Variants in SPAG16 observed in about 807,000 individuals in gnomAD.
SPAG16 encodes sperm associated antigen 16.
SPAG16 carries 86 observed loss-of-function variants against 80.4 expected under a neutral mutation model. That is an observed-to-expected ratio of 1.07 (90% CI 0.90 to 1.28). The LOEUF (loss-of-function observed/expected upper bound fraction) is 1.28. Among genes scored for constraint, SPAG16 ranks in the 50% most tolerant of loss-of-function variants. The pLI is 0.00. For missense variants in SPAG16, 870 were observed against 765.3 expected (o/e 1.14, Z -1.61); for synonymous variants, 294 against 265.9 (o/e 1.11, Z -1.03).
intron 10 of SPAG16, among the ~76,000 whole-genome samples, chr2:213,803,496 C>T (rs1184157692): frequency 6.6e-6 from 1 of 151,942 alleles, no homozygotes; most frequent in Non-Finnish European, 1.5e-5. Flanking sequence ...TTCTGAGAGA[C>T]TATAAGTAAG....
intron 10 of SPAG16, among the ~76,000 whole-genome samples, chr2:213,612,359 CT>C (rs2061465298): frequency 6.6e-6 from 1 of 152,036 alleles, no homozygotes; most frequent in Non-Finnish European, 1.5e-5. Context: ...TATAATTTTT[CT>C]TTTTTCTCTC....
intron 10 of SPAG16, among the ~76,000 whole-genome samples, chr2:213,801,448 C>G (rs763018512): frequency 1.3e-5 from 2 of 152,320 alleles, no homozygotes; most frequent in Non-Finnish European, 1.5e-5. Context: ...ATTGTCCAGG[C>G]ATATGCCACA....
At position 213,869,280 on chromosome 2, in the gene SPAG16, T is replaced by TATATATATATATATATAC. The variant is rs869276304; in HGVS notation, c.1214+6652_1214+6653insATATATATATATATATAC. On this transcript the variant is annotated intron_variant, in intron 11 of 15. Coordinates refer to ENST00000331683, the MANE Select transcript of SPAG16 (RefSeq NM_024532.5). ...AAAAAAAAAAATATATATATATATA[T>TATATATATATATATATAC]GTATATATATATGTATATATATATA... is the stretch of plus-strand genomic sequence containing the variant. 1.2e-4 allele frequency among the ~76,000 whole-genome samples: 13 copies of TATATATATATATATATAC among 112,442 alleles called. No individual in the cohort carries two copies. The East Asian group carries it at 1.9e-3, about 16-fold the overall frequency. The allele number at this position is 112,442 out of a possible 152,430, so 73.8% of individuals were successfully genotyped here.
intron 9 of SPAG16, among the ~76,000 whole-genome samples, chr2:213,413,091 GTACTATAAATGA>G (rs2069069762): frequency 6.6e-6 from 1 of 151,974 alleles, no homozygotes; most frequent in African/African-American, 2.4e-5. Context: ...TTTATAGTTG[GTACTATAAATGA>G]TACTATAAAT....
At chr2:214,157,100 G>C (rs2056248832) in intron 15 of SPAG16, among the ~76,000 whole-genome samples, 1 of 152,092 alleles carries the variant, frequency 6.6e-6, no homozygotes, top group African/African-American at 2.4e-5. Context: ...TCTGGAGAAA[G>C]GAACTGGAGA....
intron 13 of SPAG16, among the ~76,000 whole-genome samples, chr2:214,058,767 A>G (rs1436444039): frequency 2.6e-5 from 4 of 152,154 alleles, no homozygotes; most frequent in Non-Finnish European, 1.5e-5. Flanking sequence ...AACAAACAAT[A>G]TATTTATTAA....
At chr2:214,280,772 T>G (rs945764148) in intron 15 of SPAG16, 2 of 448,990 alleles carry the variant, frequency 4.5e-6, no homozygotes, top group Non-Finnish European at 8.6e-6. Context: ...TCTCATAGAC[T>G]AGATTCTCTC....
chr2:213,438,444 A>G lies in SPAG16; in HGVS notation c.943-51519A>G, dbSNP rs1249831975. Among the ~76,000 whole-genome samples, 3 of 152,250 alleles carry G rather than the reference A, an allele frequency of 2.0e-5. No homozygotes were observed. The East Asian group carries it at 5.8e-4, about 29-fold the overall frequency. ...GCCCACTGCTTATTTTTATATAACA[A>G]GTTTTATTTGAACATAGATATAGCC... On this transcript the variant is annotated intron_variant, in intron 9 of 15. Transcript: ENST00000331683.
intron 7 of SPAG16, among the ~76,000 whole-genome samples, chr2:213,356,660 T>C (rs1350066521): frequency 2.6e-5 from 4 of 152,170 alleles, no homozygotes; most frequent in Non-Finnish European, 5.9e-5. Context: ...TTAGTCTTGT[T>C]AGTGGTCTGT....
chr2:213,642,366 T>C (rs1471544621), intron 10 of SPAG16, among the ~76,000 whole-genome samples: 1 of 152,154 alleles, frequency 6.6e-6, no homozygotes, highest in Non-Finnish European at 1.5e-5. Flanking sequence ...CGGCAAGTTT[T>C]TTCATCACCA....
intron 10 of SPAG16, among the ~76,000 whole-genome samples, chr2:213,656,955 A>G (rs902089663): frequency 2.6e-5 from 4 of 152,202 alleles, no homozygotes; most frequent in Non-Finnish European, 5.9e-5. Context: ...GACCTTTTCT[A>G]TGCCTGTCTG....
At chr2:213,522,822 T>TTA (rs1491565740) in intron 10 of SPAG16, among the ~76,000 whole-genome samples, 10 of 144,964 alleles carry the variant, frequency 6.9e-5, no homozygotes, top group South Asian at 2.1e-4. Context: ...TATAACAAAC[T>TTA]TATATATATA....
At chr2:213,732,445 C>T (rs1381674302) in intron 10 of SPAG16, among the ~76,000 whole-genome samples, 2 of 152,170 alleles carry the variant, frequency 1.3e-5, no homozygotes, top group African/African-American at 4.8e-5. Context: ...CCCTAGATTA[C>T]TGTAGCCCTG....
At chr2:213,614,471 C>T (rs1274714220) in intron 10 of SPAG16, among the ~76,000 whole-genome samples, 1 of 152,120 alleles carries the variant, frequency 6.6e-6, no homozygotes. Context: ...TTAAACCAAC[C>T]CTTGATGCCT....
chr2:213,355,220 T>C (rs1249008650), intron 7 of SPAG16, among the ~76,000 whole-genome samples: 2 of 152,246 alleles, frequency 1.3e-5, no homozygotes, highest in Non-Finnish European at 2.9e-5. Flanking sequence ...TCCACTGGTC[T>C]ATATATCTGT....
At chr2:214,161,492 A>G (rs764472287) in intron 15 of SPAG16, among the ~76,000 whole-genome samples, 5 of 152,136 alleles carry the variant, frequency 3.3e-5, no homozygotes, top group Non-Finnish European at 7.3e-5. Flanking sequence ...AATAATTGCC[A>G]TTCTAACTGG....
chr2:213,758,473 C>CAA (rs1253492167), intron 10 of SPAG16, among the ~76,000 whole-genome samples: 1 of 151,144 alleles, frequency 6.6e-6, no homozygotes, highest in Non-Finnish European at 1.5e-5. Flanking sequence ...GATATATGAA[C>CAA]AAAATGAAAA....
rs139828362 is a variant in SPAG16 at position 213,996,977 on chromosome 2, T to G, written c.1401-16974T>G. Among the ~76,000 whole-genome samples the G allele has an allele frequency of 2.6e-5, 4 of 152,336 alleles. 1 individual carries two copies. Among genetic ancestry groups the G allele is most frequent in the African/African-American group, 9.6e-5 (4 of 41,584 alleles). On this transcript the variant is annotated intron_variant, in intron 12 of 15. Transcript: ENST00000331683. Reference sequence around the variant, plus strand: ...TTATATTCTTGTTAGATGGCTAGAATGCTCTAGGGTCTGGAAAGAGGGACA... The same window carrying G: ...TTATATTCTTGTTAGATGGCTAGAAGGCTCTAGGGTCTGGAAAGAGGGACA...
intron 10 of SPAG16, among the ~76,000 whole-genome samples, chr2:213,608,364 CT>C (rs2061335730): frequency 6.6e-6 from 1 of 152,098 alleles, no homozygotes; most frequent in East Asian, 1.9e-4. Flanking sequence ...GTGATGTTCC[CT>C]TCCTGTGTCC....
Sources: gnomAD v4.1 joint callset for allele counts (sites outside exome capture counted in the v4.1 genomes callset) on GRCh38, gnomAD v4.1.1 for gene constraint, MANE v1.5 for transcripts, NCBI Gene and HGNC (gene_info 2026-07-23, HGNC 2026-07-21) for gene names.